LRRIQ1: variants seen among roughly 807,000 people sequenced by gnomAD.
LRRIQ1 encodes the protein leucine-rich repeat- and IQ domain-containing protein 1.
A neutral mutation model predicts 211.9 loss-of-function variants in LRRIQ1; 210 were observed. The observed-to-expected ratio is 0.99, with a 90% confidence interval of 0.89 to 1.11. LRRIQ1 has a LOEUF of 1.11. Ranked by LOEUF, LRRIQ1 falls within the 50% of genes most tolerant of loss-of-function variation. The pLI is 0.00. For missense variants in LRRIQ1, 2,136 were observed against 1,939.5 expected, an observed-to-expected ratio of 1.10 and a Z score of -1.90; for synonymous variants, 699 against 650.1, an observed-to-expected ratio of 1.08 and a Z score of -1.14.
In LRRIQ1 at chr12:85,111,838, G is replaced by A. The variant is rs754740181; in HGVS notation, c.3377+5223G>A. Among the ~76,000 whole-genome samples the A allele has an allele frequency of 1.8e-4, 28 of 151,886 alleles. 1 individual carries two copies. Among genetic ancestry groups the A allele is most frequent in the Admixed American group, 5.3e-4 (8 of 15,208 alleles). Reference sequence around the variant, plus strand: ...AGGAATTATAAAGGGCTAAAATTCAGTCATGGAAATAGCCCCAAATTATTG... The same window carrying A: ...AGGAATTATAAAGGGCTAAAATTCAATCATGGAAATAGCCCCAAATTATTG... On this transcript the variant is annotated intron_variant, in intron 15 of 26. Coordinates refer to ENST00000393217, the MANE Select transcript of LRRIQ1 (RefSeq NM_001079910.2).
At chr12:85,270,274 A>C in the LRRIQ1 span, among the ~76,000 whole-genome samples, 1 of 152,232 alleles carries the variant, frequency 6.6e-6, no homozygotes, top group African/African-American at 2.4e-5. Context: ...TGAGATTTTA[A>C]AAGGTAACTG....
chr12:85,154,295 T>A (rs1890423254), intron 23 of LRRIQ1, among the ~76,000 whole-genome samples: 1 of 136,658 alleles, frequency 7.3e-6, no homozygotes, highest in African/African-American at 2.7e-5. Context: ...AAACACTATT[T>A]TTACTTTTTC....
At chr12:85,047,491 A>G in intron 6 of LRRIQ1, 21 bp downstream of exon 6, 3 of 1,591,476 alleles carry the variant, frequency 1.9e-6, no homozygotes, top group Non-Finnish European at 2.6e-6. Context: ...TTTGTTTTTC[A>G]TGTATTTTTA....
At chr12:85,076,314 C>A (rs974436613) in intron 11 of LRRIQ1, among the ~76,000 whole-genome samples, 1 of 151,518 alleles carries the variant, frequency 6.6e-6, no homozygotes, top group Non-Finnish European at 1.5e-5. Context: ...TAAGTTATTT[C>A]TTTTATTAAA....
chr12:85,081,190 G>A (rs963741073), intron 11 of LRRIQ1, among the ~76,000 whole-genome samples: 2 of 152,090 alleles, frequency 1.3e-5, no homozygotes, highest in African/African-American at 4.8e-5. Context: ...TCCTAGGTTT[G>A]TAAGCTTTCT....
intron 23 of LRRIQ1, 73 bp from the exon 24 acceptor site, chr12:85,160,540 A>G (rs1391851109): frequency 2.3e-6 from 2 of 853,398 alleles, no homozygotes; most frequent in Non-Finnish European, 3.7e-6. Flanking sequence ...CCACCATATA[A>G]GAAATATGTG....
At chr12:85,100,024 C>G (rs1186146006) in intron 13 of LRRIQ1, among the ~76,000 whole-genome samples, 2 of 151,756 alleles carry the variant, frequency 1.3e-5, no homozygotes, top group African/African-American at 4.8e-5. Context: ...GTAATTTGGG[C>G]AATTCACAAA....
chr12:85,056,491 G>A lies in LRRIQ1; in HGVS notation c.1698G>A (p.Val566=), dbSNP rs551246899. The A allele has an allele frequency of 1.2e-6, 2 of 1,611,414 alleles. No individual in the cohort carries two copies. The highest frequency in any genetic ancestry group is 2.2e-5 in the South Asian group (2 of 90,472). The change falls in exon 8 of 27, where the codon GTG becomes GTA. Residue 566 remains valine, a synonymous_variant. Transcript: ENST00000393217. ...GACATAACCAAGAAATCAGTGAGGT[G>A]AAAACCAATGAAGAGCAGAAAATAA... ...ILGHNQEISE[V]KTNEEQKIIK...
At chr12:85,124,009 A>C in intron 16 of LRRIQ1, 61 bp from the exon 17 acceptor site, 1 of 1,296,188 alleles carries the variant, frequency 7.7e-7, no homozygotes, top group Non-Finnish European at 1.1e-6. Context: ...CAAAACTTGC[A>C]CAAGTTTTAA....
At chr12:85,206,589 G>T (rs1893559798) in intron 24 of LRRIQ1, among the ~76,000 whole-genome samples, 1 of 152,112 alleles carries the variant, frequency 6.6e-6, no homozygotes, top group Non-Finnish European at 1.5e-5. Context: ...GGGTGAGGGG[G>T]TGCTCCTGCA....
intron 24 of LRRIQ1, among the ~76,000 whole-genome samples, chr12:85,226,264 TA>T (rs1472837009): frequency 4.6e-5 from 7 of 152,194 alleles, no homozygotes; most frequent in Non-Finnish European, 7.3e-5. Flanking sequence ...CTGTTTTAAC[TA>T]AAAGTTTGCT....
At chr12:85,228,691 G>A (rs965757870) in intron 24 of LRRIQ1, among the ~76,000 whole-genome samples, 1 of 152,166 alleles carries the variant, frequency 6.6e-6, no homozygotes, top group Admixed American at 6.5e-5. Context: ...ATGTATGTGT[G>A]TCTGCACGTA....
intron 24 of LRRIQ1, among the ~76,000 whole-genome samples, chr12:85,173,574 C>T (rs551109882): frequency 6.6e-6 from 1 of 152,052 alleles, no homozygotes; most frequent in South Asian, 2.1e-4. Context: ...CACTCTTTTT[C>T]TCCCTGCTCA....
At chr12:85,150,236 A>T (rs556425377) in intron 19 of LRRIQ1, among the ~76,000 whole-genome samples, 1 of 151,774 alleles carries the variant, frequency 6.6e-6, no homozygotes, top group African/African-American at 2.4e-5. Flanking sequence ...TCTCCTTCAC[A>T]TTTTCTCATC....
At chr12:85,128,464 G>A (rs991877829) in intron 18 of LRRIQ1, among the ~76,000 whole-genome samples, 1 of 152,136 alleles carries the variant, frequency 6.6e-6, no homozygotes, top group Non-Finnish European at 1.5e-5. Context: ...GGTGGGTGTG[G>A]TGATGCACAC....
chr12:85,228,145 T>C (rs1322710587), intron 24 of LRRIQ1, among the ~76,000 whole-genome samples: 2 of 152,084 alleles, frequency 1.3e-5, no homozygotes, highest in South Asian at 2.1e-4. Flanking sequence ...CCAAAAGCAA[T>C]GGCAACAAAA....
chr12:85,113,295 G>GT (rs1310251867), intron 15 of LRRIQ1, among the ~76,000 whole-genome samples: 6 of 152,092 alleles, frequency 3.9e-5, no homozygotes, highest in African/African-American at 1.4e-4. Context: ...TACGCAGAGA[G>GT]TTTAACAGCT....
chr12:85,120,069 G>C (rs1439646891), intron 15 of LRRIQ1, among the ~76,000 whole-genome samples: 1 of 151,878 alleles, frequency 6.6e-6, no homozygotes, highest in East Asian at 1.9e-4. Flanking sequence ...GGTGATTTTT[G>C]AACTCTCCTT....
At chr12:85,127,368 A>T (rs1157435580) in intron 17 of LRRIQ1, among the ~76,000 whole-genome samples, 2 of 152,126 alleles carry the variant, frequency 1.3e-5, no homozygotes, top group African/African-American at 4.8e-5. Flanking sequence ...GAAGCTCCTA[A>T]GCACCTGATA....
Sources: gnomAD v4.1 joint callset for allele counts (sites outside exome capture counted in the v4.1 genomes callset) on GRCh38, gnomAD v4.1.1 for gene constraint, MANE v1.5 for transcripts, NCBI Gene and HGNC (gene_info 2026-07-23, HGNC 2026-07-21) for gene names.